PCDHGA12: variants seen among roughly 807,000 people sequenced by gnomAD.
PCDHGA12 encodes the protein protocadherin gamma-A12.
Under a neutral mutation model 61.1 loss-of-function variants are expected in PCDHGA12, and 43 were observed. The observed-to-expected ratio is 0.70, with a 90% CI of 0.55 to 0.91. The LOEUF is 0.91. Ranked by LOEUF, PCDHGA12 falls within the 40% of genes least tolerant of loss-of-function variation. PCDHGA12 has a pLI of 0.00. For missense variants in PCDHGA12, 1,236 were observed against 1,227.7 expected (o/e 1.01, Z -0.10); for synonymous variants, 520 against 542.9 (o/e 0.96, Z 0.59).
At chr5:141,473,738 C>T (rs755682627) in intron 1 of PCDHGA12, among the ~76,000 whole-genome samples, 2 of 152,310 alleles carry the variant, frequency 1.3e-5, no homozygotes, top group Non-Finnish European at 2.9e-5. Flanking sequence ...AGGGAGAAGA[C>T]ATGAGAACTT....
At position 141,486,257 on chromosome 5, in the gene PCDHGA12, A is replaced by C; in HGVS notation, c.2425-8550A>C. 6.2e-7 allele frequency: 1 copy of C among 1,614,032 alleles called. No individual in the cohort carries two copies. The highest frequency in any genetic ancestry group is 8.5e-7 in the Non-Finnish European group (1 of 1,179,982). On this transcript the variant is annotated intron_variant, in intron 1 of 3. Transcript: ENST00000252085. The surrounding 1 kb of genome is among the most constrained non-coding windows in gnomAD (Gnocchi z 5.0). ...CTCAGAGCTTGGAACCCTCCCCGAG[A>C]GTGCAGAACCTGGCACTGTGGTGGC... is the stretch of plus-strand genomic sequence containing the variant.
chr5:141,468,315 C>T (rs1197043569), intron 1 of PCDHGA12: 4 of 120,552 alleles, frequency 3.3e-5, no homozygotes, highest in Non-Finnish European at 5.0e-5. Context: ...ACAAGAGCAA[C>T]GGTAAACTCC....
In PCDHGA12 at chr5:141,477,005, T is replaced by C; in HGVS notation, c.2425-17802T>C. The C allele has an allele frequency of 1.2e-6, 2 of 1,614,240 alleles. No individual in the cohort carries two copies. Among genetic ancestry groups the C allele is most frequent in the Non-Finnish European group, 1.7e-6 (2 of 1,180,040 alleles). Reference sequence around the variant, plus strand: ...CGCCGGCGTGCGGCAACTATTCGCCTTAGACCTTGTAACCGGGATGCTGAC... The same window carrying C: ...CGCCGGCGTGCGGCAACTATTCGCCCTAGACCTTGTAACCGGGATGCTGAC... On this transcript the variant is annotated intron_variant, in intron 1 of 3. Transcript: ENST00000252085. The surrounding 1 kb of genome is among the most constrained non-coding windows in gnomAD (Gnocchi z 4.9).
At chr5:141,508,823 G>A (rs1445894402) in intron 3 of PCDHGA12, among the ~76,000 whole-genome samples, 1 of 151,966 alleles carries the variant, frequency 6.6e-6, no homozygotes, top group Admixed American at 6.6e-5. Flanking sequence ...GCCAGATCTG[G>A]GCCCCCCTCC....
At chr5:141,453,377 T>TC (rs1242854086) in intron 1 of PCDHGA12, among the ~76,000 whole-genome samples, 3 of 152,072 alleles carry the variant, frequency 2.0e-5, no homozygotes, top group Admixed American at 2.0e-4. Context: ...CAAGTGATCC[T>TC]CCTGCCTTAG....
At chr5:141,502,074 C>G (rs73794927) in intron 2 of PCDHGA12, among the ~76,000 whole-genome samples, 1,657 of 152,272 alleles carry the variant, frequency 0.011, 27 homozygotes, top group African/African-American at 0.037. Flanking sequence ...CCCCCTTCAC[C>G]TGGGGCTGAG....
chr5:141,500,467 C>T lies in PCDHGA12; in HGVS notation c.2484-4926C>T, dbSNP rs368360639. 6.6e-5 allele frequency among the ~76,000 whole-genome samples: 10 copies of T among 152,262 alleles called. No homozygotes were observed. In the South Asian group the frequency reaches 2.1e-3, roughly 32 times the overall value. ...CTCGTGATCCGCCCGCCTCGGCCTC[C>T]CAAAGTGCTGGGATTACAGGCGTGA... is the stretch of plus-strand genomic sequence containing the variant. On this transcript the variant is annotated intron_variant, in intron 2 of 3. Coordinates refer to ENST00000252085, the MANE Select transcript of PCDHGA12 (RefSeq NM_003735.3).
At chr5:141,441,308 C>T (rs984341964) in intron 1 of PCDHGA12, 2 of 152,164 alleles carry the variant, frequency 1.3e-5, no homozygotes, top group African/African-American at 2.4e-5. Flanking sequence ...TAAGAAAATG[C>T]ACCTTGAGAA....
chr5:141,473,798 T>C lies in PCDHGA12; in HGVS notation c.2425-21009T>C, dbSNP rs1202883137. 2.6e-5 allele frequency among the ~76,000 whole-genome samples: 4 copies of C among 152,350 alleles called. 1 individual carries two copies. The highest frequency in any genetic ancestry group is 6.8e-3 in the Middle Eastern group (2 of 294). On this transcript the variant is annotated intron_variant, in intron 1 of 3. Transcript: ENST00000252085. ...TTTTAATTCAAGAGCAGTATGATGCTACTGAGGAGCAGCTGGACAATTGTG... is the reference window on the plus strand; with the variant it reads ...TTTTAATTCAAGAGCAGTATGATGCCACTGAGGAGCAGCTGGACAATTGTG...
intron 3 of PCDHGA12, among the ~76,000 whole-genome samples, chr5:141,506,320 G>A (rs1054880362): frequency 8.6e-5 from 13 of 151,966 alleles, no homozygotes; most frequent in South Asian, 8.3e-4. Flanking sequence ...ATGGTGGTGC[G>A]TGCCTGTAGT....
At chr5:141,433,326 A>G in intron 1 of PCDHGA12, 143 bp downstream of exon 1, 1 of 726,596 alleles carries the variant, frequency 1.4e-6, no homozygotes. Context: ...CCGGTGTAAC[A>G]GGGACTACAG....
chr5:141,510,400 TA>T (rs780031896), intron 3 of PCDHGA12, among the ~76,000 whole-genome samples: 12 of 151,920 alleles, frequency 7.9e-5, no homozygotes, highest in Non-Finnish European at 1.3e-4. Flanking sequence ...TGGCAAAGGC[TA>T]GGGGCATGTA....
intron 1 of PCDHGA12, among the ~76,000 whole-genome samples, chr5:141,466,909 ACTC>A (rs1249720055): frequency 6.6e-6 from 1 of 151,110 alleles, no homozygotes; most frequent in Non-Finnish European, 1.5e-5. Flanking sequence ...GTTTTTGAAA[ACTC>A]CTTGTATTAG....
Position 141,491,410 on chromosome 5 carries a change from GA to G in PCDHGA12, c.2425-3396del. 1 of 1,614,142 alleles carries G rather than the reference GA, an allele frequency of 6.2e-7. No homozygotes were observed. The highest frequency in any genetic ancestry group is 8.5e-7 in the Non-Finnish European group (1 of 1,180,034). On this transcript the variant is annotated intron_variant, in intron 1 of 3. Coordinates refer to ENST00000252085, the MANE Select transcript of PCDHGA12 (RefSeq NM_003735.3). This position sits in a 1 kb window ranked among gnomAD's most constrained non-coding sequence, Gnocchi z 6.9. ...GTGCCTTCAGGGAAACGCAGACGGG[GA>G]CGGGGGTGGAGGGCAGTGCTGCAGG...
chr5:141,489,635 G>T lies in PCDHGA12; in HGVS notation c.2425-5172G>T, dbSNP rs1380466520. On this transcript the variant is annotated intron_variant, in intron 1 of 3. Coordinates refer to ENST00000252085, the MANE Select transcript of PCDHGA12 (RefSeq NM_003735.3). This position sits in a 1 kb window ranked among gnomAD's most constrained non-coding sequence, Gnocchi z 4.5. ...CTGGATCTCAATGACAACTCTCCTA[G>T]CTTTGCCACCCCTGAGCGAGAGATG... 1.2e-6 allele frequency: 2 copies of T among 1,614,024 alleles called. No homozygotes were observed. The highest frequency in any genetic ancestry group is 2.7e-5 in the African/African-American group (2 of 74,908).
chr5:141,450,900 C>T (rs907024071), intron 1 of PCDHGA12, among the ~76,000 whole-genome samples: 9 of 151,048 alleles, frequency 6.0e-5, no homozygotes, highest in Non-Finnish European at 1.2e-4. Flanking sequence ...TATCGGCTCA[C>T]TGCAACCGCT....
Position 141,490,004 on chromosome 5 carries a change from C to T in PCDHGA12, c.2425-4803C>T. On this transcript the variant is annotated intron_variant, in intron 1 of 3. Coordinates refer to ENST00000252085, the MANE Select transcript of PCDHGA12 (RefSeq NM_003735.3). This position sits in a 1 kb window ranked among gnomAD's most constrained non-coding sequence, Gnocchi z 5.4. ...CTACGTGTGGGAATCCCAGAGAATG[C>T]ACCCATTGGTACTCTGCTGCTCCGC... The T allele has an allele frequency of 1.9e-6, 3 of 1,614,174 alleles. No individual in the cohort carries two copies. Among genetic ancestry groups the T allele is most frequent in the Non-Finnish European group, 2.5e-6 (3 of 1,179,980 alleles).
At chr5:141,461,354 C>T (rs1189322704) in intron 1 of PCDHGA12, among the ~76,000 whole-genome samples, 2 of 152,054 alleles carry the variant, frequency 1.3e-5, no homozygotes, top group Non-Finnish European at 2.9e-5. Context: ...GGTGGTAGCT[C>T]GTTGTGGTTT....
intron 1 of PCDHGA12, among the ~76,000 whole-genome samples, chr5:141,460,963 G>A (rs760674165): frequency 3.0e-4 from 27 of 89,804 alleles, no homozygotes; most frequent in Admixed American, 4.3e-4. Context: ...ATATATATAT[G>A]TGTGTGTGTG....
Sources: allele counts gnomAD v4.1 joint callset (sites outside exome capture counted in the v4.1 genomes callset), GRCh38; gene constraint gnomAD v4.1.1; non-coding constraint Gnocchi (gnomAD v3.1); transcripts MANE v1.5; gene names NCBI Gene and HGNC (gene_info 2026-07-23, HGNC 2026-07-21).